The following BORA variants were observed in gnomAD, a reference collection of about 807,000 sequenced individuals.
The protein encoded by BORA is BORA aurora kinase A activator.
BORA carries 26 observed loss-of-function variants against 55.8 expected under a neutral mutation model. The observed-to-expected ratio is 0.47, with a 90% CI of 0.34 to 0.65. The LOEUF is 0.65. Ranked by LOEUF, BORA falls within the 30% of genes least tolerant of loss-of-function variation. The pLI is 0.01. For synonymous variants in BORA, 201 were observed against 216.9 expected (o/e 0.93, Z 0.64); for missense variants, 568 against 671.5 (o/e 0.85, Z 1.70).
In BORA at chr13:72,746,075, A is replaced by G. The variant is rs1376775677; in HGVS notation, c.870A>G (p.Ser290=). 3 of 1,606,206 alleles carry G rather than the reference A, an allele frequency of 1.9e-6. No homozygotes were observed. The highest frequency in any genetic ancestry group is 3.3e-4 in the Middle Eastern group (2 of 6,026). The part of the protein sequence containing the change: ...IEFQIGETPL[S]EQRKFTVHSP... ...TTCAGATAGGAGAGACTCCACTCTC[A>G]GGTATGTCTCATAATAAAATACCTA... Residue 290 remains serine, a splice_region_variant and synonymous_variant, in exon 9 of 12, where the codon TCA becomes TCG. Transcript: ENST00000390667.
intron 4 of BORA, among the ~76,000 whole-genome samples, chr13:72,736,850 TC>T (rs1332301199): frequency 7.0e-6 from 1 of 142,936 alleles, no homozygotes; most frequent in African/African-American, 2.5e-5. Flanking sequence ...TTTGTTCTAC[TC>T]CTATTACTTT....
chr13:72,734,987 A>C lies in BORA; in HGVS notation c.288A>C (p.Arg96Ser), dbSNP rs1593807292. 6.3e-7 allele frequency: 1 copy of C among 1,589,822 alleles called. No individual in the cohort carries two copies. Among genetic ancestry groups the C allele is most frequent in the East Asian group, 2.2e-5 (1 of 44,502 alleles). ...SRIDKDVEDK[R>S]QKAIEEFFTK... ...TAGATAAAGATGTGGAAGACAAAAG[A>C]CAAAAAGCCATTGAAGAGGTAACTT... Residue 96 changes from arginine to serine, a missense_variant, in exon 4 of 12, where the codon AGA becomes AGC. By Grantham distance (110) the Arg-to-Ser change is moderately radical. Coordinates refer to ENST00000390667, the MANE Select transcript of BORA (RefSeq NM_024808.5).
At position 72,745,976 on chromosome 13, in the gene BORA, T is replaced by C; in HGVS notation, c.771T>C (p.Ser257=). The C allele has an allele frequency of 6.2e-7, 1 of 1,612,968 alleles. No homozygotes were observed. Among genetic ancestry groups the C allele is most frequent in the Non-Finnish European group, 8.5e-7 (1 of 1,179,206 alleles). The change falls in exon 9 of 12, where the codon AGT becomes AGC. Residue 257 remains serine, a synonymous_variant. Transcript: ENST00000390667. ...TTTCTTCTAGCCCTATTCAGGCTAG[T>C]GCAAAAAAATACAGCTTGGGAAGCA... ...GQFSSSPIQA[S]AKKYSLGSIT... is the part of the protein sequence containing the mutation.
intron 3 of BORA, among the ~76,000 whole-genome samples, chr13:72,734,069 G>A (rs2032870690): frequency 6.6e-6 from 1 of 152,032 alleles, no homozygotes; most frequent in Admixed American, 6.6e-5. Context: ...GTGAGAGGAG[G>A]GAGATCAGGA....
At chr13:72,732,723 G>C (rs1030560409) in intron 3 of BORA, among the ~76,000 whole-genome samples, 1 of 152,142 alleles carries the variant, frequency 6.6e-6, no homozygotes, top group African/African-American at 2.4e-5. Context: ...ACCTTTGAAA[G>C]AGAAGGTGAG....
chr13:72,739,219 A>AT (rs2032989771), intron 5 of BORA, among the ~76,000 whole-genome samples: 1 of 152,098 alleles, frequency 6.6e-6, no homozygotes, highest in South Asian at 2.1e-4. Flanking sequence ...TTACTGTTGG[A>AT]TTTTTTCAAC....
At chr13:72,732,008 A>G (rs1031797751) in intron 3 of BORA, among the ~76,000 whole-genome samples, 1 of 152,192 alleles carries the variant, frequency 6.6e-6, no homozygotes, top group Non-Finnish European at 1.5e-5. Context: ...TTTTTATTAC[A>G]AAGTGTAAGG....
intron 5 of BORA, among the ~76,000 whole-genome samples, chr13:72,739,265 A>C (rs766372040): frequency 1.6e-4 from 24 of 152,196 alleles, no homozygotes; most frequent in Non-Finnish European, 3.1e-4. Flanking sequence ...TTTTTAAATA[A>C]CATTTTTGTA....
At chr13:72,745,899 G>A (rs1198639019) in intron 8 of BORA, 45 bp from the exon 9 acceptor site, 1 of 1,526,772 alleles carries the variant, frequency 6.5e-7, no homozygotes, top group Non-Finnish European at 8.9e-7. Flanking sequence ...TAAGAGTTAA[G>A]GAAGAGAACC....
chr13:72,748,171 T>C (rs2033191661), intron 10 of BORA, among the ~76,000 whole-genome samples: 1 of 152,200 alleles, frequency 6.6e-6, no homozygotes, highest in African/African-American at 2.4e-5. Context: ...GTTGAATTTT[T>C]ACAGCAATCC....
rs1476690230 is a variant in BORA, at chr13:72,737,194, G to A, written c.307-768G>A. On this transcript the variant is annotated intron_variant, in intron 4 of 11. Coordinates refer to ENST00000390667, the MANE Select transcript of BORA (RefSeq NM_024808.5). Reference sequence around the variant, plus strand: ...TCATTTGAATATACTGGCCAGTAGTGTGCTGGTGAATGTTTAACAACTTGC... The same window carrying A: ...TCATTTGAATATACTGGCCAGTAGTATGCTGGTGAATGTTTAACAACTTGC... Among the ~76,000 whole-genome samples the A allele has an allele frequency of 5.9e-5, 9 of 152,258 alleles. No homozygotes were observed. In the South Asian group the frequency reaches 1.9e-3, roughly 32 times the overall value.
At position 72,745,090 on chromosome 13, in the gene BORA, C is replaced by T; in HGVS notation, c.621C>T (p.Ser207=). 6.2e-7 allele frequency: 1 copy of T among 1,614,128 alleles called. No homozygotes were observed. The highest frequency in any genetic ancestry group is 8.5e-7 in the Non-Finnish European group (1 of 1,179,974). The change falls in exon 8 of 12, where the codon TCC becomes TCT. Residue 207 remains serine, a synonymous_variant. Transcript: ENST00000390667. ...ATGGGAACGGAAGCATCTCCGACTC[C>T]TTACCTTCGGCTTCTCCCGGAAGTC... ...FLDGNGSISD[S]LPSASPGSPH...
Position 72,728,181 on chromosome 13 carries a change from C to T in BORA, c.-16+174C>T, listed in dbSNP as rs754346293. On this transcript the variant is annotated intron_variant, in intron 1 of 11. Transcript: ENST00000390667. ...GGCCACGTAGGGTTGGGGGCGACGC[C>T]TCCTTCGCACTCCATCCAGGGAAGC... is the stretch of plus-strand genomic sequence containing the variant. 5 of 845,842 alleles carry T rather than the reference C, an allele frequency of 5.9e-6. No homozygotes were observed. In the East Asian group the frequency reaches 1.1e-4, roughly 18 times the overall value. The allele number at this position is 845,842 out of a possible 1,614,324, so 52.4% of individuals were successfully genotyped here. A position where few individuals can be genotyped will look rare whatever the true frequency, so the allele number is the denominator to read the frequency against.
At chr13:72,734,307 T>C (rs574392767) in intron 3 of BORA, among the ~76,000 whole-genome samples, 1 of 151,758 alleles carries the variant, frequency 6.6e-6, no homozygotes, top group Admixed American at 6.5e-5. Flanking sequence ...AATAAAGAAG[T>C]GGTCCTAGAA....
In BORA at chr13:72,740,032, G is replaced by A. The variant is rs192977808; in HGVS notation, c.388+1989G>A. ...GGTATGAGGGTTGGGGGGTCAGTCA[G>A]GTAGGCCATATGTAGATGGCCCATA... is the stretch of plus-strand genomic sequence containing the variant. On this transcript the variant is annotated intron_variant, in intron 5 of 11. Transcript: ENST00000390667. 4.1e-4 allele frequency among the ~76,000 whole-genome samples: 63 copies of A among 152,112 alleles called. No individual in the cohort carries two copies. In the East Asian group the frequency reaches 0.012, roughly 28 times the overall value.
chr13:72,741,044 T>C (rs1159254950), intron 5 of BORA, among the ~76,000 whole-genome samples: 1 of 152,248 alleles, frequency 6.6e-6, no homozygotes, highest in Non-Finnish European at 1.5e-5. Context: ...CATGTTAGCT[T>C]GTGCTGGTAG....
intron 5 of BORA, among the ~76,000 whole-genome samples, chr13:72,738,413 G>A (rs1485409485): frequency 1.3e-5 from 2 of 152,102 alleles, no homozygotes; most frequent in African/African-American, 4.8e-5. Flanking sequence ...GTTGCCTTTT[G>A]CTAATTTGCT....
intron 10 of BORA, among the ~76,000 whole-genome samples, chr13:72,751,060 A>G (rs376448190): frequency 2.0e-5 from 3 of 152,170 alleles, no homozygotes; most frequent in African/African-American, 7.2e-5. Context: ...AGTTTCTTTC[A>G]GCTTGTTTCC....
chr13:72,734,938 TTTC>T lies in BORA; in HGVS notation c.261-16_261-14del. 6.6e-7 allele frequency: 1 copy of T among 1,510,258 alleles called. No homozygotes were observed. The highest frequency in any genetic ancestry group is 1.2e-5 in the South Asian group (1 of 84,306). 93.6% of individuals were successfully genotyped at this position (1,510,258 alleles called of 1,614,324 possible). A position where few individuals can be genotyped will look rare whatever the true frequency, so the allele number is the denominator to read the frequency against. On this transcript the variant is annotated intron_variant, in intron 3 of 11. Coordinates refer to ENST00000390667, the MANE Select transcript of BORA (RefSeq NM_024808.5). ...AAGCTTAAGTAATAGCATGGTTATT[TTTC>T]TTCTTTATCTTTGTATAGAATAGAT...
Sources: gnomAD v4.1 joint callset for allele counts (sites outside exome capture counted in the v4.1 genomes callset) on GRCh38, gnomAD v4.1.1 for gene constraint, MANE v1.5 for transcripts, NCBI Gene and HGNC (gene_info 2026-07-23, HGNC 2026-07-21) for gene names.